Variants in SLFN12L observed in about 807,000 individuals in gnomAD.
SLFN12L encodes schlafen family member 12 like.
SLFN12L carries 34 observed loss-of-function variants against 34.8 expected under a neutral mutation model. The ratio of observed to expected loss-of-function variants is 0.98; its 90% CI spans 0.74 to 1.30. The LOEUF (loss-of-function observed/expected upper bound fraction) is 1.30. SLFN12L is among the 50% of genes most tolerant of loss of function. The probability of loss-of-function intolerance (pLI) is 0.00; values close to 1 mark genes in which losing one functional copy is unlikely to be tolerated. For missense variants in SLFN12L, 703 were observed against 696.2 expected (o/e 1.01, Z -0.11); for synonymous variants, 259 against 247.5 (o/e 1.05, Z -0.44).
At chr17:35,490,431 G>T in intron 2 of SLFN12L, 1 of 1,186,598 alleles carries the variant, frequency 8.4e-7, no homozygotes, top group Non-Finnish European at 1.3e-6. Flanking sequence ...TCTTGGTTTT[G>T]AACAAGGCAG....
chr17:35,495,900 AACACACACACACACAC>A lies in SLFN12L; in HGVS notation c.87-15721_87-15706del, dbSNP rs58553128. 2.1e-3 allele frequency among the ~76,000 whole-genome samples: 295 copies of A among 138,058 alleles called. 1 individual carries two copies. Among genetic ancestry groups the A allele is most frequent in the Middle Eastern group, 7.1e-3 (2 of 280 alleles). The allele number at this position is 138,058 out of a possible 152,430, so 90.6% of individuals were successfully genotyped here. On this transcript the variant is annotated intron_variant, in intron 2 of 4. Transcript: ENST00000628453. ...CAGAAGCTGGAGAAAGCCGATTTGA[AACACACACACACACAC>A]ACACACACACACACACACACACACA...
In SLFN12L at chr17:35,469,344, T is replaced by TATATATAAA. The variant is rs1913770108; in HGVS notation, c.*5578_*5579insTTTATATAT. 6.9e-6 allele frequency among the ~76,000 whole-genome samples: 1 copy of TATATATAAA among 144,938 alleles called. No individual in the cohort carries two copies. The highest frequency in any genetic ancestry group is 7.0e-5 in the Admixed American group (1 of 14,318). On this transcript the variant is annotated 3_prime_UTR_variant, in exon 5 of 5. Transcript: ENST00000628453. ...TATATATAAATATATATATAATATA[T>TATATATAAA]ATATATATGTATTTCAAACTTTTAA...
chr17:35,489,901 T>C, intron 2 of SLFN12L: 1 of 923,290 alleles, frequency 1.1e-6, no homozygotes, highest in South Asian at 1.4e-5. Context: ...TATGACAGTT[T>C]ATACAGCACA....
intron 2 of SLFN12L, among the ~76,000 whole-genome samples, chr17:35,504,931 C>T (rs1397274317): frequency 6.6e-6 from 1 of 152,102 alleles, no homozygotes; most frequent in Non-Finnish European, 1.5e-5. Context: ...TACTTTAGTC[C>T]AGTTGGCTAT....
intron 2 of SLFN12L, among the ~76,000 whole-genome samples, chr17:35,486,581 C>T (rs992126218): frequency 6.6e-6 from 1 of 152,120 alleles, no homozygotes; most frequent in African/African-American, 2.4e-5. Flanking sequence ...ATCTGGAACA[C>T]AATGCTAAAA....
chr17:35,505,563 AC>A (rs1366097346), intron 2 of SLFN12L, among the ~76,000 whole-genome samples: 2 of 152,196 alleles, frequency 1.3e-5, no homozygotes, highest in Non-Finnish European at 2.9e-5. Flanking sequence ...TCCCCGCATA[AC>A]CATTGAGTTT....
intron 2 of SLFN12L, chr17:35,490,489 G>T (rs1914792817): frequency 5.3e-6 from 5 of 942,138 alleles, no homozygotes. Context: ...TATCACCAAA[G>T]CTCTGAAAGG....
At chr17:35,487,049 C>T (rs993732588) in intron 2 of SLFN12L, among the ~76,000 whole-genome samples, 1 of 152,216 alleles carries the variant, frequency 6.6e-6, no homozygotes, top group Non-Finnish European at 1.5e-5. Flanking sequence ...GGATCTAGGG[C>T]GCAGTTCGTC....
In SLFN12L at chr17:35,498,624, A is replaced by G. The variant is rs1237640161; in HGVS notation, c.87-18429T>C. The G allele has an allele frequency of 2.9e-5, 46 of 1,612,308 alleles. No homozygotes were observed. In the Admixed American group the frequency reaches 7.7e-4, roughly 27 times the overall value. ...GCAGAAAGCTAGCCAGAAGGGCGTCATTGAGCAGCTACAGACCACTCAAAC... is the reference window on the plus strand; with the variant it reads ...GCAGAAAGCTAGCCAGAAGGGCGTCGTTGAGCAGCTACAGACCACTCAAAC... On this transcript the variant is annotated intron_variant, in intron 2 of 4. Transcript: ENST00000628453.
In SLFN12L at chr17:35,501,161, C is replaced by G. The variant is rs1399933174; in HGVS notation, c.87-20966G>C. 2.0e-5 allele frequency among the ~76,000 whole-genome samples: 3 copies of G among 152,306 alleles called. No individual in the cohort carries two copies. In the East Asian group the frequency reaches 5.8e-4, roughly 29 times the overall value. ...GCTTAGGCCTGCTCTGTGGAGCATC[C>G]CTGCAGGGGACTGCAGCCAGCTTGA... On this transcript the variant is annotated intron_variant, in intron 2 of 4. Coordinates refer to ENST00000628453, the MANE Select transcript of SLFN12L (RefSeq NM_001363830.2).
At chr17:35,498,183 G>GTGGGGAACCGGGGCCGCC (rs1915159855) in intron 2 of SLFN12L, 9 of 624,792 alleles carry the variant, frequency 1.4e-5, no homozygotes, top group African/African-American at 3.7e-5. Context: ...AGGCGGCGGC[G>GTGGGGAACCGGGGCCGCC]TGGGGAGCCG....
At chr17:35,495,900 A>AACACACACACAC (rs58553128) in intron 2 of SLFN12L, among the ~76,000 whole-genome samples, 34 of 138,064 alleles carry the variant, frequency 2.5e-4, no homozygotes, top group Admixed American at 8.7e-4. Flanking sequence ...GCCGATTTGA[A>AACACACACACAC]ACACACACAC....
chr17:35,534,974 G>A (rs1313974925), intron 1 of SLFN12L, among the ~76,000 whole-genome samples: 1 of 152,196 alleles, frequency 6.6e-6, no homozygotes, highest in Non-Finnish European at 1.5e-5. Context: ...CTCATGAGCT[G>A]AAAGAGCTAA....
chr17:35,488,979 A>G (rs1440550524), intron 2 of SLFN12L, among the ~76,000 whole-genome samples: 1 of 152,092 alleles, frequency 6.6e-6, no homozygotes, highest in African/African-American at 2.4e-5. Flanking sequence ...CTGAGGCAAT[A>G]GAGTCTCTTG....
chr17:35,490,704 G>T lies in SLFN12L; in HGVS notation c.87-10509C>A, dbSNP rs1018308138. On this transcript the variant is annotated intron_variant, in intron 2 of 4. Transcript: ENST00000628453. ...TAACCGAGGATTCAGATCGTCAAAG[G>T]TTAGCTTACGTTACATATCAACATA... is the stretch of plus-strand genomic sequence containing the variant. 16 of 1,280,052 alleles carry T rather than the reference G, an allele frequency of 1.2e-5. No homozygotes were observed. In the African/African-American group the frequency reaches 1.6e-4, roughly 13 times the overall value. The allele number at this position is 1,280,052 out of a possible 1,614,324, so 79.3% of individuals were successfully genotyped here.
In SLFN12L at chr17:35,469,563, A is replaced by C. The variant is rs1376866901; in HGVS notation, c.*5360T>G. Among the ~76,000 whole-genome samples, 1 of 151,840 alleles carries C rather than the reference A, an allele frequency of 6.6e-6. No individual in the cohort carries two copies. Among genetic ancestry groups the C allele is most frequent in the Non-Finnish European group, 1.5e-5 (1 of 67,988 alleles). On this transcript the variant is annotated 3_prime_UTR_variant, in exon 5 of 5. Coordinates refer to ENST00000628453, the MANE Select transcript of SLFN12L (RefSeq NM_001363830.2). ...AGGCTATTTAGGGCAACTGTACCCCATCCTTTAAATAAGTCCACTATTACC... is the reference window on the plus strand; with the variant it reads ...AGGCTATTTAGGGCAACTGTACCCCCTCCTTTAAATAAGTCCACTATTACC...
rs1156586197 is a variant in SLFN12L at position 35,465,053 on chromosome 17, T to C, written c.*9870A>G. On this transcript the variant is annotated 3_prime_UTR_variant, in exon 5 of 5. Transcript: ENST00000628453. ...CACCACATCCAGCTAATTTTTGTAT[T>C]TTTTAGTAGAGATGAGGTTTCACTA... Among the ~76,000 whole-genome samples the C allele has an allele frequency of 6.6e-6, 1 of 152,064 alleles. No individual in the cohort carries two copies. The highest frequency in any genetic ancestry group is 1.5e-5 in the Non-Finnish European group (1 of 68,004).
intron 2 of SLFN12L, among the ~76,000 whole-genome samples, chr17:35,502,416 G>GA (rs1161388791): frequency 0.054 from 1,350 of 25,230 alleles, 151 homozygotes; most frequent in African/African-American, 0.066. Context: ...GTATCCTAAG[G>GA]AAAAAAAAAA....
intron 2 of SLFN12L, among the ~76,000 whole-genome samples, chr17:35,500,896 C>T (rs777996330): frequency 4.7e-4 from 72 of 152,286 alleles, no homozygotes; most frequent in African/African-American, 7.5e-4. Flanking sequence ...CAATCAATCA[C>T]GACCCTTTCA....
Sources: gnomAD v4.1 joint callset for allele counts (sites outside exome capture counted in the v4.1 genomes callset) on GRCh38, gnomAD v4.1.1 for gene constraint, MANE v1.5 for transcripts, NCBI Gene and HGNC (gene_info 2026-07-23, HGNC 2026-07-21) for gene names.